The following HS6ST1 variants were observed in gnomAD, a reference collection of about 807,000 sequenced individuals.
HS6ST1 encodes the protein heparan sulfate 6-O-sulfotransferase 1, also known as heparan-sulfate 6-O-sulfotransferase 1.
Under a neutral mutation model 25.2 loss-of-function variants are expected in HS6ST1, and 3 were observed. That is an observed-to-expected ratio of 0.12 (90% CI 0.05 to 0.31). The LOEUF (loss-of-function observed/expected upper bound fraction) is 0.31, where lower values mean the gene tolerates loss of function less well. Among genes scored for constraint, HS6ST1 ranks in the 10% least tolerant of loss-of-function variants. The pLI, the probability that HS6ST1 is intolerant of heterozygous loss-of-function variation, is 1.00. For missense variants in HS6ST1, 310 were observed against 609.6 expected (o/e 0.51, Z 5.18); for synonymous variants, 204 against 275.1 (o/e 0.74, Z 2.56).
At position 128,268,922 on chromosome 2, in the gene HS6ST1, G is replaced by T. The variant is rs538602356; in HGVS notation, c.528-52C>A. ...AGGGCTGTGACGCAGCATGAGGGGG[G>T]CTACCAGGGCTGCTCTGAGTCAAAG... On this transcript the variant is annotated intron_variant, in intron 1 of 1. Coordinates refer to ENST00000259241, the MANE Select transcript of HS6ST1 (RefSeq NM_004807.3). 89 of 1,469,826 alleles carry T rather than the reference G, an allele frequency of 6.1e-5. No homozygotes were observed. The East Asian group carries it at 1.5e-3, about 25-fold the overall frequency. 91.0% of individuals were successfully genotyped at this position (1,469,826 alleles called of 1,614,324 possible).
chr2:128,280,090 G>A lies in HS6ST1; in HGVS notation c.528-11220C>T, dbSNP rs182019552. Among the ~76,000 whole-genome samples, 201 of 152,314 alleles carry A rather than the reference G, an allele frequency of 1.3e-3. No individual in the cohort carries two copies. The Middle Eastern group carries it at 0.014, about 10-fold the overall frequency. On this transcript the variant is annotated intron_variant, in intron 1 of 1. Coordinates refer to ENST00000259241, the MANE Select transcript of HS6ST1 (RefSeq NM_004807.3). The stretch of plus-strand genomic sequence containing the variant: ...GGAGCTCACGGCATAACACACCACC[G>A]TCACCCTCATCAGCATTGCCTGCTG...
At position 128,318,011 on chromosome 2, in the gene HS6ST1, G is replaced by T. The variant is rs1371583263; in HGVS notation, c.527+26C>A. 1.2e-5 allele frequency: 17 copies of T among 1,439,964 alleles called. No individual in the cohort carries two copies. Among genetic ancestry groups the T allele is most frequent in the South Asian group, 1.5e-5 (1 of 68,190 alleles). The allele number at this position is 1,439,964 out of a possible 1,614,324, so 89.2% of individuals were successfully genotyped here. A position where few individuals can be genotyped will look rare whatever the true frequency, so the allele number is the denominator to read the frequency against. On this transcript the variant is annotated intron_variant, in intron 1 of 1. Transcript: ENST00000259241. This position sits in a 1 kb window ranked among gnomAD's most constrained non-coding sequence, Gnocchi z 5.7. ...CCCGGCCTCGGGGGCGCAGCTGCGCGAGGATCCCGCCGCCCGGGCGCTCAC... is the reference window on the plus strand; with the variant it reads ...CCCGGCCTCGGGGGCGCAGCTGCGCTAGGATCCCGCCGCCCGGGCGCTCAC...
intron 1 of HS6ST1, among the ~76,000 whole-genome samples, chr2:128,281,851 C>T (rs1311588555): frequency 6.6e-6 from 1 of 152,226 alleles, no homozygotes; most frequent in Admixed American, 6.5e-5. Flanking sequence ...TGGCGCTTTA[C>T]CCAGTCACCC....
intron 1 of HS6ST1, among the ~76,000 whole-genome samples, chr2:128,311,211 T>C (rs1694285509): frequency 6.6e-6 from 1 of 152,216 alleles, no homozygotes; most frequent in Non-Finnish European, 1.5e-5. Flanking sequence ...ACTGAGTTTC[T>C]GAGAAGGCAA....
chr2:128,286,291 G>A (rs573252175), intron 1 of HS6ST1, among the ~76,000 whole-genome samples: 1 of 152,346 alleles, frequency 6.6e-6, no homozygotes, highest in African/African-American at 2.4e-5. Context: ...GAGGTCTGCG[G>A]GCTGGAGCCA....
intron 1 of HS6ST1, among the ~76,000 whole-genome samples, chr2:128,307,149 T>C (rs955600038): frequency 6.6e-6 from 1 of 152,122 alleles, no homozygotes; most frequent in Non-Finnish European, 1.5e-5. Flanking sequence ...GCAAAATCGC[T>C]GTGAGGGGCC....
rs1393897453 is a variant in HS6ST1, at chr2:128,266,047, C to T, written c.*2115G>A. ...AGAGACTGAGACAAGACCCGTGCTT[C>T]CGTGTGAGTTGGGATGCGGGGCATA... is the stretch of plus-strand genomic sequence containing the variant. On this transcript the variant is annotated 3_prime_UTR_variant, in exon 2 of 2. Transcript: ENST00000259241. The T allele has an allele frequency of 6.6e-6, 1 of 151,576 alleles. No individual in the cohort carries two copies. The highest frequency in any genetic ancestry group is 6.6e-5 in the Admixed American group (1 of 15,210). 9.4% of individuals were successfully genotyped at this position (151,576 alleles called of 1,614,324 possible).
At chr2:128,279,275 G>A in intron 1 of HS6ST1, among the ~76,000 whole-genome samples, 1 of 150,994 alleles carries the variant, frequency 6.6e-6, no homozygotes, top group Admixed American at 6.6e-5. Flanking sequence ...CAACAGAGGG[G>A]AAGCTCCCTA....
chr2:128,285,041 G>A (rs966051939), intron 1 of HS6ST1, among the ~76,000 whole-genome samples: 1 of 152,176 alleles, frequency 6.6e-6, no homozygotes, highest in Non-Finnish European at 1.5e-5. Context: ...GCTGCGACCC[G>A]ACCTCTGGCC....
At chr2:128,269,818 C>T (rs1693585402) in intron 1 of HS6ST1, among the ~76,000 whole-genome samples, 1 of 152,164 alleles carries the variant, frequency 6.6e-6, no homozygotes. Context: ...GGGCCCTGAC[C>T]CCCCGCCAGG....
rs759582165 is a variant in HS6ST1 at position 128,305,764 on chromosome 2, AGCT to A, written c.527+12270_527+12272del. Among the ~76,000 whole-genome samples the A allele has an allele frequency of 3.6e-4, 55 of 152,234 alleles. 1 individual carries two copies. The highest frequency in any genetic ancestry group is 6.3e-4 in the Non-Finnish European group (43 of 68,030). On this transcript the variant is annotated intron_variant, in intron 1 of 1. Coordinates refer to ENST00000259241, the MANE Select transcript of HS6ST1 (RefSeq NM_004807.3). The stretch of plus-strand genomic sequence containing the variant: ...GAGCTGAAGCATCACACCTGGTGAC[AGCT>A]GCTTCCAGCAGGCCACTCATTCAGC...
chr2:128,295,964 G>A (rs1445926126), intron 1 of HS6ST1, among the ~76,000 whole-genome samples: 7 of 152,292 alleles, frequency 4.6e-5, no homozygotes, highest in Admixed American at 6.5e-5. Context: ...TGGAGGTGGC[G>A]ACTCTGAGAG....
At chr2:128,284,115 C>T (rs1017401721) in intron 1 of HS6ST1, among the ~76,000 whole-genome samples, 1 of 152,018 alleles carries the variant, frequency 6.6e-6, no homozygotes, top group Non-Finnish European at 1.5e-5. Context: ...CGGCCCTGTT[C>T]CCGGGGGCTT....
In HS6ST1 at chr2:128,302,024, C is replaced by G. The variant is rs1255660951; in HGVS notation, c.527+16013G>C. Among the ~76,000 whole-genome samples the G allele has an allele frequency of 3.3e-5, 5 of 152,290 alleles. No homozygotes were observed. In the East Asian group the frequency reaches 9.7e-4, roughly 29 times the overall value. On this transcript the variant is annotated intron_variant, in intron 1 of 1. Transcript: ENST00000259241. ...CCTCTCCCTGGATAAAGTCATGCCC[C>G]AATGAGAAGACATTCCCGCCAGAGC... is the stretch of plus-strand genomic sequence containing the variant.
At chr2:128,278,300 C>T (rs1337314160) in intron 1 of HS6ST1, among the ~76,000 whole-genome samples, 1 of 152,226 alleles carries the variant, frequency 6.6e-6, no homozygotes, top group East Asian at 1.9e-4. Context: ...CAAACTCATG[C>T]CTGCATCTTC....
chr2:128,277,417 C>T (rs1019641403), intron 1 of HS6ST1, among the ~76,000 whole-genome samples: 1 of 152,218 alleles, frequency 6.6e-6, no homozygotes, highest in Non-Finnish European at 1.5e-5. Flanking sequence ...ACACTGGTCA[C>T]TTGAGGGTGA....
At chr2:128,315,974 G>A (rs1405175010) in intron 1 of HS6ST1, among the ~76,000 whole-genome samples, 1 of 152,200 alleles carries the variant, frequency 6.6e-6, no homozygotes, top group East Asian at 1.9e-4. Flanking sequence ...TGACGGCCCT[G>A]GAAGCCCCTC....
chr2:128,312,945 C>A (rs1694313379), intron 1 of HS6ST1, among the ~76,000 whole-genome samples: 1 of 152,118 alleles, frequency 6.6e-6, no homozygotes, highest in Admixed American at 6.5e-5. Context: ...CACCTGTAAT[C>A]CCAGCTACGT....
intron 1 of HS6ST1, among the ~76,000 whole-genome samples, chr2:128,314,596 C>A (rs566092445): frequency 6.6e-6 from 1 of 152,186 alleles, no homozygotes; most frequent in South Asian, 2.1e-4. Flanking sequence ...CAGCACCAGG[C>A]GGATTTCTGG....
Sources: allele counts gnomAD v4.1 joint callset (sites outside exome capture counted in the v4.1 genomes callset), GRCh38; gene constraint gnomAD v4.1.1; non-coding constraint Gnocchi (gnomAD v3.1); transcripts MANE v1.5; gene names NCBI Gene and HGNC (gene_info 2026-07-23, HGNC 2026-07-21).